LTBP1: variants seen among roughly 807,000 people sequenced by gnomAD.
The protein encoded by LTBP1 is latent transforming growth factor beta binding protein 1.
In LTBP1, 129 loss-of-function variants were observed where a neutral mutation model predicts 207.6. That is an observed-to-expected ratio of 0.62 (90% CI 0.54 to 0.72). The LOEUF is 0.72. Among genes scored for constraint, LTBP1 ranks in the 30% least tolerant of loss-of-function variants. The pLI is 0.00. For missense variants in LTBP1, 2,281 were observed against 2,217.2 expected (o/e 1.03, Z -0.58); for synonymous variants, 963 against 833.7 (o/e 1.16, Z -2.67).
rs1682434113 is a variant in LTBP1, at chr2:32,979,542, G to A, written c.565+30597G>A. The stretch of plus-strand genomic sequence containing the variant: ...TTGATTTCTGGTTTTATTCTATTGT[G>A]TTCAGAGAAAATACTTAATATAATT... On this transcript the variant is annotated intron_variant, in intron 2 of 33. Coordinates refer to ENST00000404816, the MANE Select transcript of LTBP1 (RefSeq NM_206943.4). 2.0e-5 allele frequency among the ~76,000 whole-genome samples: 3 copies of A among 152,010 alleles called. 1 individual carries two copies. Among genetic ancestry groups the A allele is most frequent in the Admixed American group, 2.0e-4 (3 of 15,256 alleles).
At chr2:32,958,353 C>A (rs1291458870) in intron 2 of LTBP1, among the ~76,000 whole-genome samples, 1 of 152,192 alleles carries the variant, frequency 6.6e-6, no homozygotes, top group African/African-American at 2.4e-5. Context: ...TTTGTCTGCT[C>A]AGGACCACTT....
At chr2:33,209,073 A>G (rs1420610844) in intron 7 of LTBP1, among the ~76,000 whole-genome samples, 1 of 151,716 alleles carries the variant, frequency 6.6e-6, no homozygotes, top group African/African-American at 2.4e-5. Context: ...GGGTTTCACC[A>G]TGTTGGCCAG....
intron 5 of LTBP1, among the ~76,000 whole-genome samples, chr2:33,139,413 A>G (rs1015830849): frequency 1.3e-5 from 2 of 152,220 alleles, no homozygotes; most frequent in African/African-American, 4.8e-5. Context: ...GCTGCCTTCT[A>G]ACAGCTTATA....
chr2:33,171,180 G>C (rs989529856), intron 5 of LTBP1, among the ~76,000 whole-genome samples: 1 of 128,570 alleles, frequency 7.8e-6, no homozygotes, highest in African/African-American at 2.8e-5. Flanking sequence ...CGAGTTGAGA[G>C]AAGAAGGCTT....
At chr2:33,211,598 C>G (rs1444151847) in intron 7 of LTBP1, among the ~76,000 whole-genome samples, 1 of 152,196 alleles carries the variant, frequency 6.6e-6, no homozygotes, top group Non-Finnish European at 1.5e-5. Context: ...GCACTCTTTT[C>G]TTACCACCAC....
intron 8 of LTBP1, among the ~76,000 whole-genome samples, chr2:33,219,364 T>C (rs909875325): frequency 6.6e-6 from 1 of 152,214 alleles, no homozygotes; most frequent in African/African-American, 2.4e-5. Flanking sequence ...TTGCTTAAAA[T>C]TATTTTGGCA....
intron 5 of LTBP1, among the ~76,000 whole-genome samples, chr2:33,153,117 A>C (rs2147874186): frequency 6.6e-6 from 1 of 152,306 alleles, no homozygotes; most frequent in South Asian, 2.1e-4. Flanking sequence ...GAAAATATTT[A>C]CTGTGCTTTC....
chr2:33,153,677 T>C (rs1229953944), intron 5 of LTBP1, among the ~76,000 whole-genome samples: 1 of 152,218 alleles, frequency 6.6e-6, no homozygotes, highest in Non-Finnish European at 1.5e-5. Flanking sequence ...TCCTAATACA[T>C]ATTTGAATTC....
chr2:33,055,946 G>C (rs1032504759), intron 3 of LTBP1, among the ~76,000 whole-genome samples: 1 of 152,178 alleles, frequency 6.6e-6, no homozygotes, highest in African/African-American at 2.4e-5. Context: ...GCTATAGGGA[G>C]GCTAGGATAT....
chr2:33,360,201 G>T (rs1282816544), intron 26 of LTBP1, among the ~76,000 whole-genome samples: 1 of 152,176 alleles, frequency 6.6e-6, no homozygotes, highest in African/African-American at 2.4e-5. Flanking sequence ...AATATTATGT[G>T]TGGGCTCAGA....
At chr2:33,082,444 T>A (rs1226476948) in intron 3 of LTBP1, among the ~76,000 whole-genome samples, 1 of 130,254 alleles carries the variant, frequency 7.7e-6, no homozygotes, top group African/African-American at 2.9e-5. Context: ...TTTTTTTTTT[T>A]TTTTTTTTTT....
rs778450544 is a variant in LTBP1, at chr2:32,965,967, A to G, written c.565+17022A>G. ...CCACCAGCAACAAATGAGAGTTCCT[A>G]TTGTTCCACTTCCTCATCAGCATTT... is the stretch of plus-strand genomic sequence containing the variant. On this transcript the variant is annotated intron_variant, in intron 2 of 33. Transcript: ENST00000404816. Among the ~76,000 whole-genome samples the G allele has an allele frequency of 6.6e-5, 10 of 152,294 alleles. No individual in the cohort carries two copies. The East Asian group carries it at 1.3e-3, about 21-fold the overall frequency.
In LTBP1 at chr2:33,274,981, T is replaced by C; in HGVS notation, c.2760T>C (p.Thr920=). The change falls in exon 17 of 34, where the codon ACT becomes ACC. Residue 920 remains threonine (T), a synonymous_variant. Transcript: ENST00000404816. ...QRKCVDIDEC[T]QVQHLCSQGR... ...TGTTAACAGATATTGATGAGTGTACTCAGGTCCAACACCTCTGCTCCCAGG... is the reference window on the plus strand; with the variant it reads ...TGTTAACAGATATTGATGAGTGTACCCAGGTCCAACACCTCTGCTCCCAGG... The C allele has an allele frequency of 1.2e-6, 2 of 1,614,038 alleles. No individual in the cohort carries two copies. Among genetic ancestry groups the C allele is most frequent in the South Asian group, 2.2e-5 (2 of 91,072 alleles).
chr2:33,176,220 TA>T (rs1399741426), intron 5 of LTBP1, among the ~76,000 whole-genome samples: 1 of 114,712 alleles, frequency 8.7e-6, no homozygotes, highest in Non-Finnish European at 2.0e-5. Context: ...ACATGTTAAT[TA>T]ATTAATCTAT....
At chr2:33,266,785 C>A (rs2093192274) in intron 15 of LTBP1, among the ~76,000 whole-genome samples, 2 of 152,182 alleles carry the variant, frequency 1.3e-5, no homozygotes, top group Non-Finnish European at 2.9e-5. Flanking sequence ...AAGCTCCTCT[C>A]CACCTTGCTC....
Position 33,077,933 on chromosome 2 carries a change from G to A in LTBP1, c.864-32649G>A, listed in dbSNP as rs181390553. ...CAGCTTGGGTATCAGTCCACTGAAA[G>A]CAGGATCCGAACAGGAGGGGAAGTG... On this transcript the variant is annotated intron_variant, in intron 3 of 33. Transcript: ENST00000404816. Among the ~76,000 whole-genome samples, 3 of 152,328 alleles carry A rather than the reference G, an allele frequency of 2.0e-5. No homozygotes were observed. In the East Asian group the frequency reaches 5.8e-4, roughly 29 times the overall value.
At chr2:33,012,833 T>C (rs1164871251) in intron 2 of LTBP1, among the ~76,000 whole-genome samples, 1 of 152,208 alleles carries the variant, frequency 6.6e-6, no homozygotes, top group African/African-American at 2.4e-5. Context: ...CCCAAGATTT[T>C]TCAAAATATG....
chr2:32,985,175 A>T lies in LTBP1; in HGVS notation c.566-35734A>T, dbSNP rs117983840. Among the ~76,000 whole-genome samples, 58 of 152,324 alleles carry T rather than the reference A, an allele frequency of 3.8e-4. 2 individuals are homozygous for T. In the East Asian group the frequency reaches 8.5e-3, roughly 22 times the overall value. On this transcript the variant is annotated intron_variant, in intron 2 of 33. Coordinates refer to ENST00000404816, the MANE Select transcript of LTBP1 (RefSeq NM_206943.4). Reference sequence around the variant, plus strand: ...CTGTTTTCCCCCGGAACACAGGAGAACACCCTACTTTTGAACAAGTGATGT... The same window carrying T: ...CTGTTTTCCCCCGGAACACAGGAGATCACCCTACTTTTGAACAAGTGATGT...
intron 20 of LTBP1, among the ~76,000 whole-genome samples, chr2:33,297,374 G>T (rs1161385088): frequency 6.6e-6 from 1 of 151,712 alleles, no homozygotes; most frequent in Admixed American, 6.6e-5. Context: ...GCTTCTACAC[G>T]TCAGAGCTAG....
Sources: gnomAD v4.1 joint callset for allele counts (sites outside exome capture counted in the v4.1 genomes callset) on GRCh38, gnomAD v4.1.1 for gene constraint, MANE v1.5 for transcripts, NCBI Gene and HGNC (gene_info 2026-07-23, HGNC 2026-07-21) for gene names.